The following EP400 variants were observed in gnomAD, a reference collection of about 807,000 sequenced individuals.
EP400 encodes E1A-binding protein p400.
In EP400, 105 loss-of-function variants were observed where a neutral mutation model predicts 354.1. That is an observed-to-expected ratio of 0.30 (90% CI 0.25 to 0.35). The LOEUF is 0.35. Among genes scored for constraint, EP400 ranks in the 10% least tolerant of loss-of-function variants. The pLI is 1.00. For synonymous variants in EP400, 1,646 were observed against 1,716.9 expected, an observed-to-expected ratio of 0.96 and a Z score of 1.02; for missense variants, 3,280 against 4,121.0, an observed-to-expected ratio of 0.80 and a Z score of 5.59.
At chr12:131,991,083 A>C (rs969758117) in intron 9 of EP400, among the ~76,000 whole-genome samples, 1 of 151,906 alleles carries the variant, frequency 6.6e-6, no homozygotes, top group African/African-American at 2.4e-5. Context: ...GTTATGTGCC[A>C]CTCCACTTAG....
intron 19 of EP400, among the ~76,000 whole-genome samples, chr12:132,016,013 T>C (rs747286743): frequency 3.9e-5 from 6 of 152,164 alleles, no homozygotes; most frequent in Non-Finnish European, 8.8e-5. Flanking sequence ...TGTGCCGGCC[T>C]CTCCTGGTTC....
chr12:132,034,364 T>TG (rs1324273817), intron 30 of EP400, among the ~76,000 whole-genome samples: 1 of 152,140 alleles, frequency 6.6e-6, no homozygotes, highest in Non-Finnish European at 1.5e-5. Context: ...TGTTCTCGAG[T>TG]GGGTAGACTT....
intron 24 of EP400, among the ~76,000 whole-genome samples, chr12:132,024,811 C>G (rs1894244850): frequency 6.6e-6 from 1 of 151,434 alleles, no homozygotes; most frequent in East Asian, 1.9e-4. Flanking sequence ...CCCGCCACCC[C>G]CCCACAGCAG....
intron 11 of EP400, among the ~76,000 whole-genome samples, chr12:131,993,307 G>A (rs1893104497): frequency 6.6e-6 from 1 of 152,144 alleles, no homozygotes; most frequent in Admixed American, 6.5e-5. Flanking sequence ...TTACAGGTGT[G>A]AGCCACCACA....
chr12:132,020,537 T>C (rs1894091371), intron 22 of EP400, among the ~76,000 whole-genome samples: 1 of 152,232 alleles, frequency 6.6e-6, no homozygotes, highest in African/African-American at 2.4e-5. Flanking sequence ...CCTGAGAACG[T>C]CTGCTCATAT....
chr12:131,984,637 A>T (rs1375385160), intron 5 of EP400, among the ~76,000 whole-genome samples: 1 of 152,156 alleles, frequency 6.6e-6, no homozygotes, highest in Non-Finnish European at 1.5e-5. Context: ...GGTTTTTCTT[A>T]GATTTAATTT....
intron 1 of EP400, among the ~76,000 whole-genome samples, chr12:131,957,268 G>T (rs925870832): frequency 1.3e-5 from 2 of 151,972 alleles, no homozygotes; most frequent in African/African-American, 4.8e-5. Context: ...GCTTTTTGTC[G>T]TACCTAGTTC....
chr12:132,044,058 G>A, intron 34 of EP400, 119 bp from the exon 35 acceptor site: 4 of 1,390,608 alleles, frequency 2.9e-6, no homozygotes, highest in Non-Finnish European at 3.0e-6. Flanking sequence ...ATGCATTGTG[G>A]AGCAGTGTGT....
chr12:132,051,901 A>G (rs1565929548), intron 41 of EP400, among the ~76,000 whole-genome samples: 1 of 152,098 alleles, frequency 6.6e-6, no homozygotes, highest in Non-Finnish European at 1.5e-5. Flanking sequence ...TCCGCTTGGC[A>G]GTGGGTGTCT....
rs1309768426 is a variant in EP400 at position 132,069,636 on chromosome 12, A to T, written c.9016A>T (p.Ile3006Phe). ...CGGGGCCCAGCAAGTGCAGACCCAG[A>T]TCCAGGTGAGCGGGGAACAGGGTGA... ...LAGAQQVQTQ[I>F]QVAKLPQVVQ... The change falls in exon 51 of 53, where the codon ATC (isoleucine) becomes TTC (phenylalanine). Residue 3006 changes from isoleucine (I) to phenylalanine (F), a missense_variant. Physicochemically the swap from Ile to Phe is conservative, Grantham distance 21. Around this residue, in one of 20 missense-constraint regions of EP400, gnomAD observed 279 missense variants for 386.7 expected, o/e 0.72. Coordinates refer to ENST00000389561, the MANE Select transcript of EP400 (RefSeq NM_015409.5). The T allele has an allele frequency of 6.2e-7, 1 of 1,614,066 alleles. No homozygotes were observed. The highest frequency in any genetic ancestry group is 1.3e-5 in the African/African-American group (1 of 74,952).
intron 16 of EP400, 46 bp downstream of exon 16, chr12:132,011,680 T>C (rs769183138): frequency 2.6e-6 from 4 of 1,558,020 alleles, no homozygotes; most frequent in Middle Eastern, 1.8e-4. Context: ...GAAAGCCATG[T>C]TAATTTTTAT....
rs199545820 is a variant in EP400 at position 132,028,255 on chromosome 12, G to A, written c.5348G>A (p.Arg1783Gln). Residue 1783 changes from arginine (R) to glutamine (Q), a missense_variant, in exon 27 of 53, where the codon CGG becomes CAG. Physicochemically the swap from Arg to Gln is conservative, Grantham distance 43. Coordinates refer to ENST00000389561, the MANE Select transcript of EP400 (RefSeq NM_015409.5). ...SPSELMLTLC[R>Q]CGESLQDVID... ...AGTGAGCTGATGTTGACGCTTTGTC[G>A]GTGTGGAGAGTCTCTGCAGGATGTT... The A allele has an allele frequency of 7.4e-6, 12 of 1,614,124 alleles. No homozygotes were observed. The East Asian group carries it at 8.9e-5, about 12-fold the overall frequency.
At chr12:131,959,377 G>A (rs913874231) in intron 1 of EP400, among the ~76,000 whole-genome samples, 2 of 152,108 alleles carry the variant, frequency 1.3e-5, no homozygotes, top group Non-Finnish European at 2.9e-5. Flanking sequence ...GAACAGACGG[G>A]GCTGCAGTGG....
chr12:131,963,452 A>G (rs970569741), intron 2 of EP400: 4 of 1,010,566 alleles, frequency 4.0e-6, no homozygotes, highest in South Asian at 1.4e-5. Flanking sequence ...TCAGTGAGCT[A>G]TCAGCAATAA....
chr12:132,062,634 A>G lies in EP400; in HGVS notation c.8267A>G (p.Gln2756Arg), dbSNP rs890992410. The G allele has an allele frequency of 6.2e-7, 1 of 1,614,118 alleles. No homozygotes were observed. The highest frequency in any genetic ancestry group is 1.3e-5 in the African/African-American group (1 of 75,024). Residue 2756 changes from glutamine to arginine, a missense_variant, in exon 47 of 53, where the codon CAA becomes CGA. By Grantham distance (43) the Gln-to-Arg change is conservative. Coordinates refer to ENST00000389561, the MANE Select transcript of EP400 (RefSeq NM_015409.5). ...CAGACGACGACGACCTCTCAGGTGC[A>G]AGTTCCACAGATCCAGGGCCAGGCC... ...QQQTTTTSQVQVPQIQGQAQS... is the reference protein window; with the variant it reads ...QQQTTTTSQVRVPQIQGQAQS...
intron 30 of EP400, among the ~76,000 whole-genome samples, chr12:132,032,677 C>T (rs971069429): frequency 4.0e-5 from 6 of 148,424 alleles, no homozygotes; most frequent in South Asian, 4.2e-4. Flanking sequence ...GTCGCTCAGG[C>T]GGTAGTGCAG....
chr12:131,982,619 C>G (rs766895720), intron 5 of EP400, 141 bp downstream of exon 5: 79 of 1,021,810 alleles, frequency 7.7e-5, no homozygotes, highest in Admixed American at 5.8e-5. Context: ...AACAATTACT[C>G]AATTCAGTAC....
At chr12:132,026,149 G>A (rs1477357976) in intron 25 of EP400, among the ~76,000 whole-genome samples, 3 of 152,162 alleles carry the variant, frequency 2.0e-5, no homozygotes, top group South Asian at 4.1e-4. Flanking sequence ...GGCCGCCCAC[G>A]CAGGGTCTGG....
chr12:132,013,202 T>C lies in EP400; in HGVS notation c.3611+24T>C, dbSNP rs2136532970. On this transcript the variant is annotated intron_variant, in intron 17 of 52. Coordinates refer to ENST00000389561, the MANE Select transcript of EP400 (RefSeq NM_015409.5). The surrounding 1 kb of genome is among the most constrained non-coding windows in gnomAD (Gnocchi z 4.5). ...AGGTCTGTGTGTTACGCGCTTGTCA[T>C]TGAGTGTTCTTTGCTGTTGATGTAG... 6.3e-7 allele frequency: 1 copy of C among 1,588,006 alleles called. No homozygotes were observed. The highest frequency in any genetic ancestry group is 1.7e-4 in the Middle Eastern group (1 of 5,962).
Sources: gnomAD v4.1 joint callset for allele counts (sites outside exome capture counted in the v4.1 genomes callset) on GRCh38, gnomAD v4.1.1 for gene constraint, gnomAD v4.1.1 regional missense constraint, Gnocchi (gnomAD v3.1) non-coding constraint, MANE v1.5 for transcripts, NCBI Gene and HGNC (gene_info 2026-07-23, HGNC 2026-07-21) for gene names.